The following FBXO43 variants were observed in gnomAD, a reference collection of about 807,000 sequenced individuals.
The protein encoded by FBXO43 is F-box protein 43.
FBXO43 carries 22 observed loss-of-function variants against 56.7 expected under a neutral mutation model. That is an observed-to-expected ratio of 0.39 (90% CI 0.28 to 0.55). The LOEUF (loss-of-function observed/expected upper bound fraction) is 0.55. Among genes scored for constraint, FBXO43 ranks in the 20% least tolerant of loss-of-function variants. The pLI is 0.66. For missense variants in FBXO43, 733 were observed against 814.9 expected (o/e 0.90, Z 1.22); for synonymous variants, 306 against 294.5 (o/e 1.04, Z -0.40).
intron 1 of FBXO43, among the ~76,000 whole-genome samples, chr8:100,144,242 T>A (rs1814747668): frequency 6.6e-6 from 1 of 151,110 alleles, no homozygotes; most frequent in Admixed American, 6.6e-5. Flanking sequence ...TTCTGGCCGG[T>A]GGCTCACGCC....
chr8:100,141,895 T>G lies in FBXO43; in HGVS notation c.359A>C (p.Glu120Ala). The G allele has an allele frequency of 1.3e-6, 2 of 1,590,474 alleles. No individual in the cohort carries two copies. Among genetic ancestry groups the G allele is most frequent in the Non-Finnish European group, 1.7e-6 (2 of 1,172,956 alleles). Residue 120 changes from glutamate to alanine, a missense_variant, in exon 2 of 5, where the codon GAA becomes GCA. By Grantham distance (107) the Glu-to-Ala change is moderately radical. Coordinates refer to ENST00000428847, the MANE Select transcript of FBXO43 (RefSeq NM_001029860.4). ...TSGLGLTHPL[E>A]SPTQKKKCIL... ...ACATTTCTTTTTTTGAGTGGGAGAT[T>G]CTAAAGGATGTGTTAAGCCCAGGCC...
intron 2 of FBXO43, among the ~76,000 whole-genome samples, chr8:100,138,809 A>G: frequency 6.6e-6 from 1 of 151,976 alleles, no homozygotes; most frequent in East Asian, 1.9e-4. Context: ...AGGCCAAGGC[A>G]GGAGGATTGC....
At chr8:100,134,888 G>C (rs537503034) in intron 3 of FBXO43, among the ~76,000 whole-genome samples, 54 of 152,266 alleles carry the variant, frequency 3.5e-4, no homozygotes, top group African/African-American at 1.3e-3. Flanking sequence ...GGACAGCAAA[G>C]GGCCCCAGGA....
chr8:100,142,874 T>G (rs1388049776), intron 1 of FBXO43, among the ~76,000 whole-genome samples: 3 of 152,258 alleles, frequency 2.0e-5, no homozygotes, highest in Non-Finnish European at 4.4e-5. Flanking sequence ...TACTTATTCA[T>G]ATCTCACTTT....
chr8:100,142,205 T>C (rs747996881), intron 1 of FBXO43, 37 bp from the exon 2 acceptor site: 1 of 1,502,646 alleles, frequency 6.7e-7, no homozygotes, highest in Non-Finnish European at 8.9e-7. Flanking sequence ...GCCTTTGAAA[T>C]GAGTATCCAG....
At chr8:100,149,408 C>G (rs1814881613), upstream of FBXO43, among the ~76,000 whole-genome samples, 1 of 152,204 alleles carries the variant, frequency 6.6e-6, no homozygotes, top group South Asian at 2.1e-4. Flanking sequence ...CTTAGGATAA[C>G]AATGGTTCCA....
Position 100,133,820 on chromosome 8 carries a change from C to G in FBXO43, c.2109G>C (p.Arg703=), listed in dbSNP as rs1366916867. The change falls in exon 5 of 5, where the codon CGG becomes CGC. Residue 703 remains arginine, a synonymous_variant. Transcript: ENST00000428847. Reference sequence around the variant, plus strand: ...AGTCTCTTCAGAGGCGTTTTAAATTCCGCTTACTCTGGGCACTTCCTGGGA... The same window carrying G: ...AGTCTCTTCAGAGGCGTTTTAAATTGCGCTTACTCTGGGCACTTCCTGGGA... ...DALPGSAQSK[R]NLKRL is the part of the protein sequence containing the mutation. 1 of 1,592,200 alleles carries G rather than the reference C, an allele frequency of 6.3e-7. No homozygotes were observed. The highest frequency in any genetic ancestry group is 8.6e-7 in the Non-Finnish European group (1 of 1,167,718).
At position 100,141,744 on chromosome 8, in the gene FBXO43, T is replaced by C. The variant is rs760316770; in HGVS notation, c.510A>G (p.Glu170=). The C allele has an allele frequency of 1.3e-6, 2 of 1,595,368 alleles. No individual in the cohort carries two copies. Among genetic ancestry groups the C allele is most frequent in the South Asian group, 1.1e-5 (1 of 87,962 alleles). The change falls in exon 2 of 5, where the codon GAA becomes GAG. Residue 170 remains glutamate (E), a synonymous_variant. Coordinates refer to ENST00000428847, the MANE Select transcript of FBXO43 (RefSeq NM_001029860.4). ...VSFALLKGDF[E]SQNSSLESSI... ...TACTTTCTAAAGAACTATTTTGTGA[T>C]TCAAAGTCCCCTTTTAGAAGAGCGA...
intron 3 of FBXO43, among the ~76,000 whole-genome samples, chr8:100,135,185 T>G (rs1814433054): frequency 6.6e-6 from 1 of 152,178 alleles, no homozygotes; most frequent in Non-Finnish European, 1.5e-5. Flanking sequence ...CAGCACCTAA[T>G]TCTGATTCAT....
chr8:100,143,344 A>C lies in FBXO43; in HGVS notation c.86-1176T>G, dbSNP rs938060939. The stretch of plus-strand genomic sequence containing the variant: ...TGCGACAGTAATTTATTTATGCTTA[A>C]ACTTAATCAGATATATGAGTGAATG... On this transcript the variant is annotated intron_variant, in intron 1 of 4. Transcript: ENST00000428847. Among the ~76,000 whole-genome samples the C allele has an allele frequency of 2.0e-5, 3 of 152,338 alleles. No homozygotes were observed. In the East Asian group the frequency reaches 5.8e-4, roughly 29 times the overall value.
chr8:100,149,554 C>G (rs1443984578), upstream of FBXO43, among the ~76,000 whole-genome samples: 1 of 152,136 alleles, frequency 6.6e-6, no homozygotes, highest in Non-Finnish European at 1.5e-5. Flanking sequence ...AAGAAAGAAG[C>G]CAGGAACTGC....
Position 100,145,131 on chromosome 8 carries a change from C to T in FBXO43, c.5G>A (p.Ser2Asn), listed in dbSNP as rs200585882. The change falls in exon 1 of 5, where the codon AGT becomes AAT. Residue 2 changes from serine to asparagine, a missense_variant. Physicochemically the swap from Ser to Asn is conservative, Grantham distance 46. Coordinates refer to ENST00000428847, the MANE Select transcript of FBXO43 (RefSeq NM_001029860.4). M[S>N]FKDKDERISC... is the part of the protein sequence containing the mutation. Reference sequence around the variant, plus strand: ...AATTCTCTCATCTTTGTCTTTAAAACTCATGCCAAAATAATGCCACTTAAA... The same window carrying T: ...AATTCTCTCATCTTTGTCTTTAAAATTCATGCCAAAATAATGCCACTTAAA... 25 of 1,609,164 alleles carry T rather than the reference C, an allele frequency of 1.6e-5. No individual in the cohort carries two copies. In the East Asian group the frequency reaches 5.6e-4, roughly 36 times the overall value.
intron 3 of FBXO43, 133 bp from the exon 4 acceptor site, chr8:100,134,497 T>G: frequency 3.6e-6 from 2 of 555,600 alleles, no homozygotes; most frequent in Non-Finnish European, 5.7e-6. Context: ...CTGTTCCTTT[T>G]CAGAAAAAAA....
At chr8:100,150,138 G>C (rs1814892013), upstream of FBXO43, among the ~76,000 whole-genome samples, 1 of 152,234 alleles carries the variant, frequency 6.6e-6, no homozygotes, top group South Asian at 2.1e-4. Context: ...GGATGTGACA[G>C]TAGCCTATCA....
intron 2 of FBXO43, among the ~76,000 whole-genome samples, chr8:100,138,322 G>T (rs957017314): frequency 6.6e-6 from 1 of 152,126 alleles, no homozygotes; most frequent in African/African-American, 2.4e-5. Flanking sequence ...CAAATCAAAA[G>T]GAGTAAGGTC....
intron 1 of FBXO43, among the ~76,000 whole-genome samples, chr8:100,144,618 T>A: frequency 2.1e-5 from 3 of 144,490 alleles, no homozygotes; most frequent in African/African-American, 2.6e-5. Flanking sequence ...ATTCCTAAAG[T>A]GTTCTTTAAG....
At chr8:100,149,243 C>T (rs986089223), upstream of FBXO43, among the ~76,000 whole-genome samples, 1 of 152,194 alleles carries the variant, frequency 6.6e-6, no homozygotes, top group Non-Finnish European at 1.5e-5. Context: ...TGTAGGGCCC[C>T]AGGACCCATT....
In FBXO43 at chr8:100,145,205, T is replaced by A. The variant is rs1814792524; in HGVS notation, c.-70A>T. ...TTAATTGAAAGGTGCAGCAGCATCATGATTGCTCAAAGTCGAAGGGTACAC... is the reference window on the plus strand; with the variant it reads ...TTAATTGAAAGGTGCAGCAGCATCAAGATTGCTCAAAGTCGAAGGGTACAC... On this transcript the variant is annotated 5_prime_UTR_variant, in exon 1 of 5. It removes an upstream start codon present in the reference 5' UTR. Coordinates refer to ENST00000428847, the MANE Select transcript of FBXO43 (RefSeq NM_001029860.4). 1.5e-6 allele frequency: 2 copies of A among 1,365,052 alleles called. No homozygotes were observed. Among genetic ancestry groups the A allele is most frequent in the South Asian group, 1.3e-5 (1 of 77,160 alleles). The allele number at this position is 1,365,052 out of a possible 1,614,324, so 84.6% of individuals were successfully genotyped here.
intron 1 of FBXO43, among the ~76,000 whole-genome samples, chr8:100,144,203 T>C (rs1405201968): frequency 1.3e-5 from 2 of 152,208 alleles, no homozygotes; most frequent in Non-Finnish European, 2.9e-5. Context: ...ATATTATCTC[T>C]TTCCTCTAAA....
Sources: gnomAD v4.1 joint callset for allele counts (sites outside exome capture counted in the v4.1 genomes callset) on GRCh38, gnomAD v4.1.1 for gene constraint, MANE v1.5 for transcripts, NCBI Gene and HGNC (gene_info 2026-07-23, HGNC 2026-07-21) for gene names.